USP6: variants seen among roughly 807,000 people sequenced by gnomAD.
USP6 encodes ubiquitin specific peptidase 6, also known as ubiquitin carboxyl-terminal hydrolase 6.
USP6 carries 128 observed loss-of-function variants against 175.7 expected under a neutral mutation model. That is an observed-to-expected ratio of 0.73 (90% confidence interval 0.63 to 0.84). The LOEUF (loss-of-function observed/expected upper bound fraction) is 0.84, where lower values mean the gene tolerates loss of function less well. USP6 is among the 40% of genes least tolerant of loss of function. The probability of loss-of-function intolerance (pLI) is 0.00; values close to 1 mark genes in which losing one functional copy is unlikely to be tolerated. For synonymous variants in USP6, 562 were observed against 630.6 expected (o/e 0.89, Z 1.63); for missense variants, 1,498 against 1,760.3 (o/e 0.85, Z 2.67).
At chr17:5,158,999 A>G (rs1425515387) in intron 31 of USP6, among the ~76,000 whole-genome samples, 1 of 152,222 alleles carries the variant, frequency 6.6e-6, no homozygotes, top group Non-Finnish European at 1.5e-5. Flanking sequence ...ATAGTTGTGT[A>G]AAGAATACAT....
In USP6 at chr17:5,133,012, C is replaced by T. The variant is rs181414774; in HGVS notation, c.276+22C>T. Reference sequence around the variant, plus strand: ...CAAAGTAATGTGTGGAGGGAGAGGCCCCTGGAAGCACTCTCTGCAGAAACA... The same window carrying T: ...CAAAGTAATGTGTGGAGGGAGAGGCTCCTGGAAGCACTCTCTGCAGAAACA... On this transcript the variant is annotated intron_variant, in intron 13 of 37. Transcript: ENST00000574788. 372 of 1,611,874 alleles carry T rather than the reference C, an allele frequency of 2.3e-4. 3 individuals are homozygous for T. The East Asian group carries it at 5.4e-3, about 23-fold the overall frequency.
chr17:5,130,354 T>C lies in USP6; in HGVS notation c.-1-13T>C, dbSNP rs1161490049. ...CGGGTACAGTGTAACCTTTAGACAA[T>C]TTTGTCTCACAGGATGGACATGGTA... On this transcript the variant is annotated splice_polypyrimidine_tract_variant and intron_variant, in intron 9 of 37. Coordinates refer to ENST00000574788, the MANE Select transcript of USP6 (RefSeq NM_001304284.2). 3.1e-6 allele frequency: 5 copies of C among 1,613,908 alleles called. No homozygotes were observed. The East Asian group carries it at 1.1e-4, about 36-fold the overall frequency.
intron 31 of USP6, among the ~76,000 whole-genome samples, chr17:5,156,749 T>G (rs547739356): frequency 6.6e-6 from 1 of 152,238 alleles, no homozygotes; most frequent in East Asian, 1.9e-4. Flanking sequence ...TTTTTTTTTT[T>G]TGAGACATTC....
At position 5,147,092 on chromosome 17, in the gene USP6, C is replaced by T; in HGVS notation, c.2329C>T (p.Gln777Ter). 6.2e-7 allele frequency: 1 copy of T among 1,612,410 alleles called. No homozygotes were observed. Among genetic ancestry groups the T allele is most frequent in the South Asian group, 1.1e-5 (1 of 90,566 alleles). ...VHDSNIKNFP[Q>*]DNQKVQLSVS... ...GCTGCTGTTTCTGTAGAACTTTCCTCAGGATAACCAAAAAGTACAACTCTC... is the reference window on the plus strand; with the variant it reads ...GCTGCTGTTTCTGTAGAACTTTCCTTAGGATAACCAAAAAGTACAACTCTC... Residue 777 changes from glutamine (Q) to a stop codon, truncating the protein, a stop_gained, in exon 29 of 38, where the codon CAG (glutamine) becomes TAG (stop). Transcript: ENST00000574788. LOFTEE classifies it high-confidence loss of function.
At chr17:5,152,998 AAAAC>A (rs1263616286) in intron 30 of USP6, among the ~76,000 whole-genome samples, 1 of 152,252 alleles carries the variant, frequency 6.6e-6, no homozygotes, top group Non-Finnish European at 1.5e-5. Context: ...CCAGTTTCAA[AAAAC>A]AAACAAAAAA....
intron 28 of USP6, among the ~76,000 whole-genome samples, chr17:5,146,570 A>G (rs2144006387): frequency 6.6e-6 from 1 of 152,292 alleles, no homozygotes; most frequent in East Asian, 1.9e-4. Flanking sequence ...ATTTACGAAT[A>G]TATATATTTG....
chr17:5,155,615 A>G lies in USP6; in HGVS notation c.2828+9A>G. ...ATTCATGCCCAGGATCGGTGAGTTC[A>G]GGGGATCCATCTAAACCTGTGGTTT... On this transcript the variant is annotated intron_variant, in intron 31 of 37. Transcript: ENST00000574788. 6.2e-7 allele frequency: 1 copy of G among 1,612,820 alleles called. No homozygotes were observed. The highest frequency in any genetic ancestry group is 8.5e-7 in the Non-Finnish European group (1 of 1,179,482).
At chr17:5,121,167 G>A (rs965739332) in intron 3 of USP6, among the ~76,000 whole-genome samples, 3 of 152,186 alleles carry the variant, frequency 2.0e-5, no homozygotes, top group African/African-American at 2.4e-5. Flanking sequence ...TTGAGGTGCC[G>A]CAGTTCGGTA....
chr17:5,162,417 GGATTACAGGCATGA>G (rs1386147953), intron 32 of USP6, among the ~76,000 whole-genome samples: 26 of 152,028 alleles, frequency 1.7e-4, no homozygotes, highest in Non-Finnish European at 3.1e-4. Context: ...CAAAGTGCTG[GGATTACAGGCATGA>G]GACACCATGC....
chr17:5,157,277 G>C (rs1426625276), intron 31 of USP6, among the ~76,000 whole-genome samples: 1 of 151,892 alleles, frequency 6.6e-6, no homozygotes, highest in African/African-American at 2.4e-5. Flanking sequence ...GTACAGGCAG[G>C]GTTTCACCAG....
chr17:5,146,364 G>T (rs1425538791), intron 28 of USP6, among the ~76,000 whole-genome samples, 190 bp downstream of exon 28: 1 of 152,118 alleles, frequency 6.6e-6, no homozygotes, highest in Non-Finnish European at 1.5e-5. Context: ...AGAATAAAGG[G>T]ATAATACTGA....
At chr17:5,148,076 A>C (rs937676669) in intron 29 of USP6, among the ~76,000 whole-genome samples, 1 of 151,958 alleles carries the variant, frequency 6.6e-6, no homozygotes, top group African/African-American at 2.4e-5. Flanking sequence ...ATGGGTTTTC[A>C]CCATGTTGCC....
At chr17:5,129,391 G>A (rs990952158) in intron 8 of USP6, 2 of 152,408 alleles carry the variant, frequency 1.3e-5, no homozygotes, top group African/African-American at 4.8e-5. Context: ...CCTAAGCTGG[G>A]TCTTGATGGT....
intron 1 of USP6, among the ~76,000 whole-genome samples, chr17:5,117,629 GA>G (rs1248028365): frequency 6.6e-6 from 1 of 152,176 alleles, no homozygotes; most frequent in African/African-American, 2.4e-5. Flanking sequence ...AAGTTAGTGG[GA>G]AATCACTGTG....
chr17:5,162,994 C>T lies in USP6; in HGVS notation c.3026C>T (p.Ser1009Phe), dbSNP rs139732460. The T allele has an allele frequency of 5.2e-3, 8,212 of 1,581,142 alleles. 33 individuals are homozygous for T. The highest frequency in any genetic ancestry group is 6.1e-3 in the Non-Finnish European group (7,147 of 1,171,552). ...GCCCTTCACCTTCGCTATCAAACAT[C>T]CCAGGAAAGGGTAAGAATTTAGGGC... ...PTALHLRYQT[S>F]QERVVDKHES... Residue 1009 changes from serine to phenylalanine, a missense_variant, in exon 33 of 38, where the codon TCC (serine) becomes TTC (phenylalanine). This residue lies in a region of USP6 where 1,217 missense variants were observed against 1,500.8 expected (regional missense o/e 0.81). Coordinates refer to ENST00000574788, the MANE Select transcript of USP6 (RefSeq NM_001304284.2).
At chr17:5,157,117 G>A (rs1186664292) in intron 31 of USP6, among the ~76,000 whole-genome samples, 11 of 150,530 alleles carry the variant, frequency 7.3e-5, no homozygotes, top group Admixed American at 2.0e-4. Context: ...ACGGAGTCTC[G>A]CTCTGTCACC....
intron 15 of USP6, chr17:5,134,357 C>A: frequency 3.6e-6 from 1 of 278,310 alleles, no homozygotes; most frequent in Non-Finnish European, 6.9e-6. Context: ...GCACCAAATG[C>A]TGGGAGAATT....
chr17:5,161,754 G>A lies in USP6; in HGVS notation c.2915+140G>A, dbSNP rs115189961. 5,430 of 989,170 alleles carry A rather than the reference G, an allele frequency of 5.5e-3. 210 individuals carry two copies. In the African/African-American group the frequency reaches 0.08, roughly 15 times the overall value. 61.3% of individuals were successfully genotyped at this position (989,170 alleles called of 1,614,324 possible). On this transcript the variant is annotated intron_variant, in intron 32 of 37. Transcript: ENST00000574788. ...ACTGTGGCTGGGCACCATGGCTCAG[G>A]CCTGTAATCCCATCACTTTGAGAAG... is the stretch of plus-strand genomic sequence containing the variant.
chr17:5,121,275 A>T (rs2072656782), intron 3 of USP6, 100 bp from the exon 4 acceptor site: 1 of 362,602 alleles, frequency 2.8e-6, no homozygotes, highest in African/African-American at 2.1e-5. Flanking sequence ...TTGGGGCCCC[A>T]TAGAGGCCAG....
Sources: gnomAD v4.1 joint callset for allele counts (sites outside exome capture counted in the v4.1 genomes callset) on GRCh38, gnomAD v4.1.1 for gene constraint, gnomAD v4.1.1 regional missense constraint, MANE v1.5 for transcripts, NCBI Gene and HGNC (gene_info 2026-07-23, HGNC 2026-07-21) for gene names.